The following SMPDL3A variants were observed in gnomAD, a reference collection of about 807,000 sequenced individuals.
The protein encoded by SMPDL3A is sphingomyelin phosphodiesterase acid like 3A.
Under a neutral mutation model 38.5 loss-of-function variants are expected in SMPDL3A, and 39 were observed. The ratio of observed to expected loss-of-function variants is 1.01; its 90% CI spans 0.78 to 1.32. The LOEUF is 1.32. Ranked by LOEUF, SMPDL3A falls within the 40% of genes most tolerant of loss-of-function variation. The pLI is 0.00. For synonymous variants in SMPDL3A, 180 were observed against 194.3 expected, an observed-to-expected ratio of 0.93 and a Z score of 0.61; for missense variants, 502 against 536.2, an observed-to-expected ratio of 0.94 and a Z score of 0.63.
intron 1 of SMPDL3A, among the ~76,000 whole-genome samples, chr6:122,795,037 T>C (rs1035259477): frequency 1.3e-5 from 2 of 152,240 alleles, no homozygotes; most frequent in Non-Finnish European, 2.9e-5. Flanking sequence ...CAAGATGATG[T>C]CATCATTGGC....
chr6:122,807,682 C>A (rs1388371231), intron 7 of SMPDL3A, among the ~76,000 whole-genome samples: 1 of 150,302 alleles, frequency 6.7e-6, no homozygotes, highest in African/African-American at 2.4e-5. Flanking sequence ...TAATTCACTT[C>A]AATTAAAGCC....
intron 2 of SMPDL3A, among the ~76,000 whole-genome samples, 157 bp from the exon 3 acceptor site, chr6:122,796,667 G>A (rs994148625): frequency 2.0e-5 from 3 of 152,144 alleles, no homozygotes; most frequent in African/African-American, 7.2e-5. Flanking sequence ...TATCTGTAGG[G>A]TAGAGGTAAG....
chr6:122,807,521 A>G (rs1260864214), intron 7 of SMPDL3A, among the ~76,000 whole-genome samples: 1 of 152,130 alleles, frequency 6.6e-6, no homozygotes, highest in Non-Finnish European at 1.5e-5. Context: ...AATAAAGGGA[A>G]AAAAATTGAA....
intron 5 of SMPDL3A, 146 bp downstream of exon 5, chr6:122,803,979 TC>T: frequency 1.6e-6 from 1 of 628,598 alleles, no homozygotes. Context: ...TCATGGATTT[TC>T]TTTCTTTTTT....
chr6:122,799,961 CTTTTT>C (rs112956534), intron 3 of SMPDL3A, among the ~76,000 whole-genome samples: 2 of 124,544 alleles, frequency 1.6e-5, no homozygotes, highest in Admixed American at 8.6e-5. Context: ...TCAGTATTTA[CTTTTT>C]TTTTTTTTTT....
In SMPDL3A at chr6:122,809,305, G is replaced by A. The variant is rs62423585; in HGVS notation, c.1259G>A (p.Cys420Tyr). 48 of 1,613,578 alleles carry A rather than the reference G, an allele frequency of 3.0e-5. No homozygotes were observed. The highest frequency in any genetic ancestry group is 4.0e-5 in the Non-Finnish European group (47 of 1,179,618). Residue 420 changes from cysteine to tyrosine, a missense_variant, in exon 8 of 8, where the codon TGT becomes TAT. Coordinates refer to ENST00000368440, the MANE Select transcript of SMPDL3A (RefSeq NM_006714.5). ...FFVSYDSSVT[C>Y]DKTCKAFQIC... ...GTGAGTTATGACAGCAGTGTAACATGTGATAAGACATGTAAGGCCTTTCAG... is the reference window on the plus strand; with the variant it reads ...GTGAGTTATGACAGCAGTGTAACATATGATAAGACATGTAAGGCCTTTCAG...
chr6:122,804,763 T>A, intron 5 of SMPDL3A, 146 bp from the exon 6 acceptor site: 1 of 654,034 alleles, frequency 1.5e-6, no homozygotes, highest in Non-Finnish European at 2.5e-6. Context: ...TAATTTCATC[T>A]CTTTTTCTTA....
At chr6:122,804,810 T>G (rs1781547268) in intron 5 of SMPDL3A, 99 bp from the exon 6 acceptor site, 1 of 985,958 alleles carries the variant, frequency 1.0e-6, no homozygotes, top group East Asian at 2.6e-5. Flanking sequence ...TTCTAAATTT[T>G]AATTAATATA....
chr6:122,794,931 C>T (rs1781193845), intron 1 of SMPDL3A, among the ~76,000 whole-genome samples: 1 of 152,128 alleles, frequency 6.6e-6, no homozygotes, highest in African/African-American at 2.4e-5. Flanking sequence ...GTAACCCTAA[C>T]AAACGACATC....
At chr6:122,793,659 T>C (rs899417926) in intron 1 of SMPDL3A, among the ~76,000 whole-genome samples, 1 of 152,230 alleles carries the variant, frequency 6.6e-6, no homozygotes, top group African/African-American at 2.4e-5. Flanking sequence ...TAATTGACCA[T>C]ACTACTACTT....
At chr6:122,795,255 C>T (rs1284514848) in intron 1 of SMPDL3A, among the ~76,000 whole-genome samples, 3 of 152,264 alleles carry the variant, frequency 2.0e-5, no homozygotes, top group South Asian at 2.1e-4. Context: ...GATTCTCCTG[C>T]GTCAGCTTCC....
intron 3 of SMPDL3A, among the ~76,000 whole-genome samples, chr6:122,800,354 T>C (rs1781388649): frequency 6.6e-6 from 1 of 152,256 alleles, no homozygotes; most frequent in Non-Finnish European, 1.5e-5. Flanking sequence ...TGTAAATCTT[T>C]ATTCAAAGAG....
At chr6:122,794,952 G>A (rs1051040761) in intron 1 of SMPDL3A, among the ~76,000 whole-genome samples, 2 of 152,082 alleles carry the variant, frequency 1.3e-5, no homozygotes, top group East Asian at 1.9e-4. Flanking sequence ...ATATTTATAC[G>A]TCAATTTTTC....
At chr6:122,805,943 CTGGA>C (rs1425699851) in intron 6 of SMPDL3A, among the ~76,000 whole-genome samples, 1 of 152,196 alleles carries the variant, frequency 6.6e-6, no homozygotes. Context: ...ATCTCAAACA[CTGGA>C]TCCATTTTGG....
At chr6:122,793,991 A>G (rs1257652141) in intron 1 of SMPDL3A, among the ~76,000 whole-genome samples, 1 of 151,892 alleles carries the variant, frequency 6.6e-6, no homozygotes, top group Non-Finnish European at 1.5e-5. Context: ...CTCTTTATTA[A>G]AACAATTTGA....
chr6:122,807,085 G>GGA (rs1554248233), intron 7 of SMPDL3A, among the ~76,000 whole-genome samples: 13 of 84,640 alleles, frequency 1.5e-4, no homozygotes, highest in South Asian at 3.7e-4. Context: ...TAGAGATGGG[G>GGA]GGGGGGGGTC....
intron 1 of SMPDL3A, 121 bp downstream of exon 1, chr6:122,789,579 G>A (rs1780995529): frequency 3.2e-6 from 3 of 949,608 alleles, no homozygotes; most frequent in Non-Finnish European, 4.7e-6. Context: ...GGCTAGCGGG[G>A]CCCCTGACGC....
chr6:122,807,569 A>G (rs1781675897), intron 7 of SMPDL3A, among the ~76,000 whole-genome samples: 1 of 152,230 alleles, frequency 6.6e-6, no homozygotes, highest in South Asian at 2.1e-4. Context: ...GAGCAGCTTC[A>G]TGGCTCCTTG....
In SMPDL3A at chr6:122,809,282, G is replaced by A. The variant is rs747169824; in HGVS notation, c.1236G>A (p.Val412=). ...QFIKYYNYFF[V]SYDSSVTCDK... is the part of the protein sequence containing the mutation. ...TAAAATACTACAATTACTTCTTTGT[G>A]AGTTATGACAGCAGTGTAACATGTG... The change falls in exon 8 of 8, where the codon GTG becomes GTA. Residue 412 remains valine, a synonymous_variant. Transcript: ENST00000368440. The A allele has an allele frequency of 1.9e-6, 3 of 1,613,950 alleles. No individual in the cohort carries two copies.
Sources: allele counts gnomAD v4.1 joint callset (sites outside exome capture counted in the v4.1 genomes callset), GRCh38; gene constraint gnomAD v4.1.1; transcripts MANE v1.5; gene names NCBI Gene and HGNC (gene_info 2026-07-23, HGNC 2026-07-21).